The following ERBB4 variants were observed in gnomAD, a reference collection of about 807,000 sequenced individuals.
The protein encoded by ERBB4 is erb-b2 receptor tyrosine kinase 4, also known as receptor tyrosine-protein kinase erbB-4.
ERBB4 carries 42 observed loss-of-function variants against 158.0 expected under a neutral mutation model. That is an observed-to-expected ratio of 0.27 (90% CI 0.21 to 0.34). The LOEUF (loss-of-function observed/expected upper bound fraction) is 0.34. ERBB4 is among the 10% of genes least tolerant of loss of function. The pLI is 1.00. For synonymous variants in ERBB4, 583 were observed against 558.7 expected (o/e 1.04, Z -0.61); for missense variants, 1,333 against 1,624.1 (o/e 0.82, Z 3.08).
At chr2:212,110,398 C>T (rs1172033116) in intron 2 of ERBB4, among the ~76,000 whole-genome samples, 2 of 152,224 alleles carry the variant, frequency 1.3e-5, no homozygotes, top group Admixed American at 6.5e-5. Context: ...ATTTGCACCA[C>T]ATGTTAGTTA....
intron 3 of ERBB4, among the ~76,000 whole-genome samples, chr2:211,854,552 T>G (rs953947370): frequency 1.3e-5 from 2 of 152,178 alleles, no homozygotes; most frequent in African/African-American, 4.8e-5. Context: ...TTTTACCTAA[T>G]TGTAAATAAA....
At chr2:211,793,283 G>T (rs1320795311) in intron 3 of ERBB4, among the ~76,000 whole-genome samples, 1 of 151,640 alleles carries the variant, frequency 6.6e-6, no homozygotes, top group African/African-American at 2.4e-5. Context: ...ATATAAGAAG[G>T]ATCTAATAAA....
intron 2 of ERBB4, among the ~76,000 whole-genome samples, chr2:211,954,663 G>A (rs1215036389): frequency 6.6e-6 from 1 of 151,942 alleles, no homozygotes; most frequent in Non-Finnish European, 1.5e-5. Context: ...TAAGAGGGGG[G>A]GTAATAGAAA....
intron 2 of ERBB4, among the ~76,000 whole-genome samples, chr2:212,109,043 T>C (rs1286200646): frequency 6.6e-6 from 1 of 152,182 alleles, no homozygotes; most frequent in Non-Finnish European, 1.5e-5. Context: ...TGTCCTACTC[T>C]GCAGAATGTT....
chr2:212,057,041 G>A lies in ERBB4; in HGVS notation c.234+67711C>T, dbSNP rs571616013. Among the ~76,000 whole-genome samples, 9 of 152,198 alleles carry A rather than the reference G, an allele frequency of 5.9e-5. No individual in the cohort carries two copies. The East Asian group carries it at 9.7e-4, about 16-fold the overall frequency. On this transcript the variant is annotated intron_variant, in intron 2 of 27. Coordinates refer to ENST00000342788, the MANE Select transcript of ERBB4 (RefSeq NM_005235.3). ...GCTGCATTCAGGAGACCCATCTCAC[G>A]TGCAGAGACACACATAGGCTCAAAA...
chr2:212,462,995 C>T (rs148469441), intron 1 of ERBB4, among the ~76,000 whole-genome samples: 1 of 152,114 alleles, frequency 6.6e-6, no homozygotes, highest in East Asian at 1.9e-4. Context: ...ATTAAATAAG[C>T]TAGGCACACA....
chr2:211,684,464 AAAAAGAAAAG>A (rs369624752), intron 12 of ERBB4, among the ~76,000 whole-genome samples: 9 of 152,156 alleles, frequency 5.9e-5, no homozygotes, highest in Non-Finnish European at 1.0e-4. Flanking sequence ...AATAAAATAA[AAAAAGAAAAG>A]AAAAGAAAAG....
At chr2:211,790,904 T>C (rs2076265390) in intron 3 of ERBB4, among the ~76,000 whole-genome samples, 1 of 152,000 alleles carries the variant, frequency 6.6e-6, no homozygotes, top group Non-Finnish European at 1.5e-5. Flanking sequence ...ACAGTTTTAA[T>C]GTACAGTCTT....
intron 1 of ERBB4, among the ~76,000 whole-genome samples, chr2:212,473,468 G>T (rs1689217096): frequency 6.6e-6 from 1 of 152,000 alleles, no homozygotes. Context: ...TAGGAAAAAA[G>T]TGCCAATTAA....
At chr2:211,836,768 G>T (rs1490430848) in intron 3 of ERBB4, among the ~76,000 whole-genome samples, 1 of 151,864 alleles carries the variant, frequency 6.6e-6, no homozygotes, top group African/African-American at 2.4e-5. Flanking sequence ...AATGACAGCT[G>T]CAAAATAGCT....
chr2:211,851,213 T>G (rs1200172873), intron 3 of ERBB4, among the ~76,000 whole-genome samples: 1 of 151,752 alleles, frequency 6.6e-6, no homozygotes, highest in Non-Finnish European at 1.5e-5. Context: ...CAAAAGAAAA[T>G]TCACAAGTGA....
At chr2:211,789,358 G>A (rs1283940198) in intron 3 of ERBB4, among the ~76,000 whole-genome samples, 1 of 152,138 alleles carries the variant, frequency 6.6e-6, no homozygotes, top group East Asian at 1.9e-4. Context: ...CCCACTATCT[G>A]TTCTGCCATC....
At chr2:212,066,258 T>C (rs2077944636) in intron 2 of ERBB4, among the ~76,000 whole-genome samples, 1 of 151,944 alleles carries the variant, frequency 6.6e-6, no homozygotes, top group Non-Finnish European at 1.5e-5. Context: ...TTTCAAAAAG[T>C]ATAATGACTT....
chr2:211,704,938 TTTTTGTTTTG>T (rs572080037), intron 10 of ERBB4, among the ~76,000 whole-genome samples: 60 of 152,166 alleles, frequency 3.9e-4, no homozygotes, highest in African/African-American at 1.3e-3. Context: ...TATGTAACTT[TTTTTGTTTTG>T]TTTTGTTTTG....
At chr2:211,949,588 T>C (rs2080817167) in intron 2 of ERBB4, among the ~76,000 whole-genome samples, 1 of 152,366 alleles carries the variant, frequency 6.6e-6, no homozygotes, top group South Asian at 2.1e-4. Context: ...AATTACATTT[T>C]ATGGCTCTTA....
At chr2:212,395,374 T>A (rs567003857) in intron 1 of ERBB4, among the ~76,000 whole-genome samples, 1 of 151,780 alleles carries the variant, frequency 6.6e-6, no homozygotes, top group Non-Finnish European at 1.5e-5. Flanking sequence ...GCTGTGAGCT[T>A]ATAAGCATTG....
At chr2:212,319,068 C>G (rs1214303337) in intron 1 of ERBB4, among the ~76,000 whole-genome samples, 1 of 151,594 alleles carries the variant, frequency 6.6e-6, no homozygotes, top group East Asian at 1.9e-4. Context: ...TCCAATACCT[C>G]AGGACTGTGA....
rs190933886 is a variant in ERBB4 at position 211,997,350 on chromosome 2, G to C, written c.235-49734C>G. Among the ~76,000 whole-genome samples, 75 of 150,646 alleles carry C rather than the reference G, an allele frequency of 5.0e-4. 1 individual carries two copies. The highest frequency in any genetic ancestry group is 1.3e-3 in the African/African-American group (55 of 41,036). On this transcript the variant is annotated intron_variant, in intron 2 of 27. Coordinates refer to ENST00000342788, the MANE Select transcript of ERBB4 (RefSeq NM_005235.3). ...CTAAACCCTCTAGTAACTTTCACTT[G>C]TTAAAAAAAAAATACTTCTGAACTA...
At chr2:211,622,140 C>A (rs538350772) in intron 18 of ERBB4, among the ~76,000 whole-genome samples, 1 of 152,076 alleles carries the variant, frequency 6.6e-6, no homozygotes, top group African/African-American at 2.4e-5. Flanking sequence ...CCACATAATT[C>A]GTTGATATTT....
Sources: gnomAD v4.1 joint callset for allele counts (sites outside exome capture counted in the v4.1 genomes callset) on GRCh38, gnomAD v4.1.1 for gene constraint, MANE v1.5 for transcripts, NCBI Gene and HGNC (gene_info 2026-07-23, HGNC 2026-07-21) for gene names.